Variants in CRYBG1 observed in about 807,000 individuals in gnomAD.
CRYBG1 encodes the protein beta/gamma crystallin domain-containing protein 1.
CRYBG1 carries 139 observed loss-of-function variants against 189.2 expected under a neutral mutation model. The ratio of observed to expected loss-of-function variants is 0.73; its 90% confidence interval spans 0.64 to 0.85. The LOEUF (loss-of-function observed/expected upper bound fraction) is 0.85, where lower values mean the gene tolerates loss of function less well. Among genes scored for constraint, CRYBG1 ranks in the 40% least tolerant of loss-of-function variants. The probability of loss-of-function intolerance (pLI) is 0.00; values close to 1 mark genes in which losing one functional copy is unlikely to be tolerated. For missense variants in CRYBG1, 2,611 were observed against 2,675.8 expected, an observed-to-expected ratio of 0.98 and a Z score of 0.53; for synonymous variants, 1,023 against 1,017.1, an observed-to-expected ratio of 1.01 and a Z score of -0.11.
chr6:106,516,019 G>A (rs1446669122), intron 3 of CRYBG1, among the ~76,000 whole-genome samples: 3 of 151,744 alleles, frequency 2.0e-5, no homozygotes, highest in Admixed American at 6.6e-5. Context: ...TCAAACTCCT[G>A]GGTTCAAGTG....
At chr6:106,440,352 C>T (rs529017855) in intron 1 of CRYBG1, among the ~76,000 whole-genome samples, 15 of 152,024 alleles carry the variant, frequency 9.9e-5, no homozygotes, top group Admixed American at 8.5e-4. Context: ...GCAACCTCCA[C>T]CTCCTGGGTT....
At chr6:106,482,462 C>T (rs960731650) in intron 2 of CRYBG1, among the ~76,000 whole-genome samples, 13 of 152,128 alleles carry the variant, frequency 8.5e-5, no homozygotes, top group African/African-American at 3.1e-4. Context: ...CACCAGAGAG[C>T]AGGAATCTGG....
chr6:106,525,083 G>C, intron 4 of CRYBG1, 50 bp from the exon 5 acceptor site: 1 of 1,589,398 alleles, frequency 6.3e-7, no homozygotes, highest in Middle Eastern at 1.8e-4. Context: ...AAAGAGGATC[G>C]TTATGTGAAG....
intron 8 of CRYBG1, among the ~76,000 whole-genome samples, chr6:106,538,327 A>T (rs1774051140): frequency 6.6e-6 from 1 of 152,118 alleles, no homozygotes; most frequent in South Asian, 2.1e-4. Context: ...TTTCTGGCAC[A>T]TTAGAGGAGG....
Position 106,360,722 on chromosome 6 carries a change from T to C in CRYBG1, c.-187T>C, listed in dbSNP as rs1211563307. 8 of 603,594 alleles carry C rather than the reference T, an allele frequency of 1.3e-5. No homozygotes were observed. The highest frequency in any genetic ancestry group is 2.1e-5 in the Non-Finnish European group (8 of 375,284). The allele number at this position is 603,594 out of a possible 1,614,324, so 37.4% of individuals were successfully genotyped here. On this transcript the variant is annotated 5_prime_UTR_variant, in exon 1 of 22. Transcript: ENST00000633556. ...GCCCCAACAGCTCGGGCTGCAGTGCTGCTCGCGCTGCGCTGGGTGCTGGTT... is the reference window on the plus strand; with the variant it reads ...GCCCCAACAGCTCGGGCTGCAGTGCCGCTCGCGCTGCGCTGGGTGCTGGTT...
chr6:106,395,594 A>G (rs974060238), intron 1 of CRYBG1, among the ~76,000 whole-genome samples: 2 of 152,028 alleles, frequency 1.3e-5, no homozygotes, highest in Non-Finnish European at 2.9e-5. Flanking sequence ...TGTTTTACAA[A>G]TTTAATTATG....
chr6:106,470,430 G>C (rs1205447008), intron 2 of CRYBG1, among the ~76,000 whole-genome samples: 1 of 151,978 alleles, frequency 6.6e-6, no homozygotes, highest in East Asian at 1.9e-4. Context: ...AAAATTAGCC[G>C]GGCGTGATGG....
At chr6:106,555,448 T>G (rs1774512563) in intron 16 of CRYBG1, among the ~76,000 whole-genome samples, 1 of 152,088 alleles carries the variant, frequency 6.6e-6, no homozygotes, top group Non-Finnish European at 1.5e-5. Context: ...CAAAAAGGAC[T>G]TGAGGGCTTG....
Position 106,409,079 on chromosome 6 carries a change from A to T in CRYBG1, c.174-42615A>T, listed in dbSNP as rs556034834. 2.6e-5 allele frequency among the ~76,000 whole-genome samples: 4 copies of T among 152,332 alleles called. No individual in the cohort carries two copies. The South Asian group carries it at 8.3e-4, about 32-fold the overall frequency. On this transcript the variant is annotated intron_variant, in intron 1 of 21. Coordinates refer to ENST00000633556, the MANE Select transcript of CRYBG1 (RefSeq NM_001371242.2). ...ATTCAAATAGGAAGAGGGGAAGTCA[A>T]ATCGTCTCTGTTTGCAAATGACATG...
At chr6:106,423,859 C>T (rs1400750856) in intron 1 of CRYBG1, among the ~76,000 whole-genome samples, 1 of 151,926 alleles carries the variant, frequency 6.6e-6, no homozygotes, top group Non-Finnish European at 1.5e-5. Context: ...CCCACACCAC[C>T]ATGCCTGGCT....
At chr6:106,461,148 CT>C (rs1772002289) in intron 2 of CRYBG1, among the ~76,000 whole-genome samples, 1 of 152,132 alleles carries the variant, frequency 6.6e-6, no homozygotes, top group Admixed American at 6.5e-5. Flanking sequence ...ACAATTGCCT[CT>C]GATTTAAAGC....
intron 2 of CRYBG1, among the ~76,000 whole-genome samples, chr6:106,510,546 C>T (rs936613286): frequency 6.6e-6 from 1 of 152,232 alleles, no homozygotes; most frequent in African/African-American, 2.4e-5. Flanking sequence ...ATAGGTGGGC[C>T]GGCCCCTGGG....
At chr6:106,377,570 A>G (rs1245708681) in intron 1 of CRYBG1, among the ~76,000 whole-genome samples, 1 of 149,026 alleles carries the variant, frequency 6.7e-6, no homozygotes, top group East Asian at 2.0e-4. Flanking sequence ...GACTGAGAGA[A>G]TATTAAGGCT....
chr6:106,535,764 T>TAGGCCAGCTGTC (rs1451535898), intron 8 of CRYBG1, among the ~76,000 whole-genome samples: 7,440 of 10,462 alleles, frequency 0.71, 3,431 homozygotes, highest in Middle Eastern at 0.81. Flanking sequence ...TAACTTTTTT[T>TAGGCCAGCTGTC]TTTTTTTTTT....
intron 2 of CRYBG1, among the ~76,000 whole-genome samples, chr6:106,511,168 A>C (rs546480521): frequency 3.3e-5 from 5 of 152,330 alleles, no homozygotes; most frequent in African/African-American, 1.2e-4. Context: ...GGACCGTTCA[A>C]ATTTTCCTTT....
intron 1 of CRYBG1, among the ~76,000 whole-genome samples, chr6:106,399,085 C>T (rs1770668510): frequency 6.6e-6 from 1 of 152,182 alleles, no homozygotes; most frequent in Admixed American, 6.5e-5. Context: ...GTTTATTTTG[C>T]ATAGTAGAAG....
intron 1 of CRYBG1, among the ~76,000 whole-genome samples, chr6:106,398,018 A>T (rs1328508863): frequency 6.6e-6 from 1 of 152,250 alleles, no homozygotes; most frequent in South Asian, 2.1e-4. Context: ...ACCAAAATAC[A>T]TTAAGTACCA....
Position 106,568,597 on chromosome 6 carries a change from C to T in CRYBG1, c.*31C>T. On this transcript the variant is annotated 3_prime_UTR_variant, in exon 22 of 22. Coordinates refer to ENST00000633556, the MANE Select transcript of CRYBG1 (RefSeq NM_001371242.2). ...GAAGGAAGAAGAATCTTCTGGAGGT[C>T]CTTCCAGCCACCTTATTTCTTAAAA... is the stretch of plus-strand genomic sequence containing the variant. 1 of 1,504,126 alleles carries T rather than the reference C, an allele frequency of 6.6e-7. No homozygotes were observed. Among genetic ancestry groups the T allele is most frequent in the Non-Finnish European group, 9.2e-7 (1 of 1,082,320 alleles). The allele number at this position is 1,504,126 out of a possible 1,614,324, so 93.2% of individuals were successfully genotyped here.
rs1250582746 is a variant in CRYBG1, at chr6:106,360,997, G to C, written c.89G>C (p.Arg30Pro). Residue 30 changes from arginine (R) to proline (P), a missense_variant, in exon 1 of 22, where the codon CGC becomes CCC. Coordinates refer to ENST00000633556, the MANE Select transcript of CRYBG1 (RefSeq NM_001371242.2). ...PKKHTTFHLW[R>P]SKKKQQPAPP... Reference sequence around the variant, plus strand: ...AAGCACACCACCTTCCACCTCTGGCGCTCCAAAAAGAAGCAGCAGCCGGCG... The same window carrying C: ...AAGCACACCACCTTCCACCTCTGGCCCTCCAAAAAGAAGCAGCAGCCGGCG... 2.0e-6 allele frequency: 3 copies of C among 1,535,156 alleles called. No homozygotes were observed. Among genetic ancestry groups the C allele is most frequent in the South Asian group, 2.4e-5 (2 of 84,050 alleles).
Sources: gnomAD v4.1 joint callset for allele counts (sites outside exome capture counted in the v4.1 genomes callset) on GRCh38, gnomAD v4.1.1 for gene constraint, MANE v1.5 for transcripts, NCBI Gene and HGNC (gene_info 2026-07-23, HGNC 2026-07-21) for gene names.